Variants in ZC3HAV1L observed in about 807,000 individuals in gnomAD.
ZC3HAV1L encodes the protein ZC3HAV1 like, also known as zinc finger CCCH-type antiviral protein 1-like.
ZC3HAV1L carries 23 observed loss-of-function variants against 28.2 expected under a neutral mutation model. The observed-to-expected ratio is 0.82, with a 90% CI of 0.59 to 1.16. The LOEUF (loss-of-function observed/expected upper bound fraction) is 1.16, where lower values mean the gene tolerates loss of function less well. Ranked by LOEUF, ZC3HAV1L falls within the 50% of genes most tolerant of loss-of-function variation. The pLI is 0.00. For missense variants in ZC3HAV1L, 376 were observed against 387.7 expected (o/e 0.97, Z 0.25); for synonymous variants, 180 against 163.4 (o/e 1.10, Z -0.78).
At chr7:139,033,918 A>G in intron 2 of ZC3HAV1L, 1 of 985,364 alleles carries the variant, frequency 1.0e-6, no homozygotes, top group Non-Finnish European at 1.2e-6. Flanking sequence ...GTTGGTTGGA[A>G]TGCCTCTGGC....
rs1331262544 is a variant in ZC3HAV1L, at chr7:139,026,752, G to C, written c.842C>G (p.Pro281Arg). The change falls in exon 4 of 5, where the codon CCT becomes CGT. Residue 281 changes from proline to arginine, a missense_variant. Transcript: ENST00000275766. ...CGACTGAGCAGGGACAGAAGCCAGAGGACCAGCTTCTGCAGCTCCAGCTGC... is the reference window on the plus strand; with the variant it reads ...CGACTGAGCAGGGACAGAAGCCAGACGACCAGCTTCTGCAGCTCCAGCTGC... ...VHAAGAAEAG[P>R]LASVPAQSAK... The C allele has an allele frequency of 6.2e-7, 1 of 1,614,074 alleles. No homozygotes were observed. Among genetic ancestry groups the C allele is most frequent in the East Asian group, 2.2e-5 (1 of 44,884 alleles).
At chr7:139,035,617 A>G in intron 1 of ZC3HAV1L, 36 bp downstream of exon 1, 1 of 1,353,230 alleles carries the variant, frequency 7.4e-7, no homozygotes, top group South Asian at 1.8e-5. Flanking sequence ...GCCCGCGGCC[A>G]GCGCCCACAG....
At chr7:139,029,084 C>T (rs1482028682) in intron 2 of ZC3HAV1L, 124 bp from the exon 3 acceptor site, 7 of 1,121,398 alleles carry the variant, frequency 6.2e-6, no homozygotes, top group Non-Finnish European at 8.6e-6. Context: ...CTCACTGCAA[C>T]CTCCATCTCC....
In ZC3HAV1L at chr7:139,035,655, G is replaced by A; in HGVS notation, c.363C>T (p.Cys121=). The part of the protein sequence containing the change: ...HMLGKCPNRD[C]WSTCTLSHDI... Reference sequence around the variant, plus strand: ...CCCGCCCGCCGCCGCCTTCTCACCAGCAGTCCCGGTTGGGGCACTTGCCCA... The same window carrying A: ...CCCGCCCGCCGCCGCCTTCTCACCAACAGTCCCGGTTGGGGCACTTGCCCA... Residue 121 remains cysteine (C), a splice_region_variant and synonymous_variant, in exon 1 of 5, where the codon TGC becomes TGT. Transcript: ENST00000275766. 1 of 1,431,980 alleles carries A rather than the reference G, an allele frequency of 7.0e-7. No homozygotes were observed. The highest frequency in any genetic ancestry group is 9.1e-7 in the Non-Finnish European group (1 of 1,100,962). The allele number at this position is 1,431,980 out of a possible 1,614,324, so 88.7% of individuals were successfully genotyped here.
At position 139,034,876 on chromosome 7, in the gene ZC3HAV1L, T is replaced by G. The variant is rs555042378; in HGVS notation, c.366-198A>C. The G allele has an allele frequency of 1.7e-5, 17 of 985,420 alleles. 1 individual carries two copies. The African/African-American group carries it at 1.9e-4, about 11-fold the overall frequency. The allele number at this position is 985,420 out of a possible 1,614,324, so 61.0% of individuals were successfully genotyped here. A position where few individuals can be genotyped will look rare whatever the true frequency, so the allele number is the denominator to read the frequency against. On this transcript the variant is annotated intron_variant, in intron 1 of 4. Coordinates refer to ENST00000275766, the MANE Select transcript of ZC3HAV1L (RefSeq NM_080660.4). The stretch of plus-strand genomic sequence containing the variant: ...GAAGGAACTCCTCTCCCAGGGTCAT[T>G]TGAATTTTCAGTAGGGATGCTTTGA...
downstream of ZC3HAV1L, among the ~76,000 whole-genome samples, chr7:139,023,115 C>T (rs1815277694): frequency 7.3e-6 from 1 of 137,416 alleles, no homozygotes; most frequent in African/African-American, 2.7e-5. Context: ...ACGGAGGTTG[C>T]AGTGAGCTGA....
At chr7:139,031,379 G>GT (rs1447068217) in intron 2 of ZC3HAV1L, among the ~76,000 whole-genome samples, 1 of 152,204 alleles carries the variant, frequency 6.6e-6, no homozygotes, top group African/African-American at 2.4e-5. Flanking sequence ...GAGCTCAGGA[G>GT]TTTGAGATCA....
downstream of ZC3HAV1L, among the ~76,000 whole-genome samples, chr7:139,023,617 C>G (rs957088759): frequency 6.6e-5 from 10 of 152,162 alleles, no homozygotes; most frequent in African/African-American, 2.4e-4. Context: ...GCTTTGTTTT[C>G]AAAATGTCAG....
chr7:139,034,207 C>T, intron 2 of ZC3HAV1L: 1 of 981,012 alleles, frequency 1.0e-6, no homozygotes, highest in Non-Finnish European at 1.2e-6. Flanking sequence ...ATCTCCCCTT[C>T]TTCCCATCCC....
At chr7:139,030,198 C>A (rs1053606558) in intron 2 of ZC3HAV1L, among the ~76,000 whole-genome samples, 6 of 152,146 alleles carry the variant, frequency 3.9e-5, no homozygotes, top group African/African-American at 1.4e-4. Flanking sequence ...GTAATCCCAG[C>A]ACTTTGGGAG....
At chr7:139,024,052 T>C (rs371830969), downstream of ZC3HAV1L, among the ~76,000 whole-genome samples, 16 of 152,276 alleles carry the variant, frequency 1.1e-4, no homozygotes, top group African/African-American at 3.6e-4. Context: ...GGAACAAGAC[T>C]AAAGGAAAAT....
At chr7:139,035,442 G>A in intron 1 of ZC3HAV1L, 1 of 985,366 alleles carries the variant, frequency 1.0e-6, no homozygotes, top group Non-Finnish European at 1.2e-6. Flanking sequence ...CGGTTGAGAC[G>A]TCTCCATGGA....
chr7:139,034,707 C>T, intron 1 of ZC3HAV1L, 29 bp from the exon 2 acceptor site: 1 of 1,612,352 alleles, frequency 6.2e-7, no homozygotes, highest in Non-Finnish European at 8.5e-7. Flanking sequence ...CGGTCAGATG[C>T]CCAGGTGAAG....
At chr7:139,025,503 A>G (rs1298918434), downstream of ZC3HAV1L, among the ~76,000 whole-genome samples, 1 of 151,548 alleles carries the variant, frequency 6.6e-6, no homozygotes, top group Non-Finnish European at 1.5e-5. Context: ...GAGAGAACCC[A>G]AAGGTTATAT....
intron 3 of ZC3HAV1L, among the ~76,000 whole-genome samples, chr7:139,027,722 A>G (rs1341626422): frequency 6.6e-5 from 10 of 152,136 alleles, no homozygotes; most frequent in Admixed American, 6.5e-4. Context: ...GAATATATTT[A>G]TAATGGGAAT....
At chr7:139,035,018 T>A in intron 1 of ZC3HAV1L, 1 of 985,414 alleles carries the variant, frequency 1.0e-6, no homozygotes, top group Non-Finnish European at 1.2e-6. Flanking sequence ...AAAGCGCCCC[T>A]ATCCCCAGCA....
intron 4 of ZC3HAV1L, 32 bp downstream of exon 4, chr7:139,026,675 CT>C: frequency 6.2e-7 from 1 of 1,612,804 alleles, no homozygotes; most frequent in Non-Finnish European, 8.5e-7. Context: ...GGACAAGCTT[CT>C]TCTTAGTTCA....
rs1352268580 is a variant in ZC3HAV1L, at chr7:139,035,449, T to C, written c.365+204A>G. Reference sequence around the variant, plus strand: ...GGCGTGGGCGGTTGAGACGTCTCCATGGAGAGGACCTTCGCGCCTTTCCGC... The same window carrying C: ...GGCGTGGGCGGTTGAGACGTCTCCACGGAGAGGACCTTCGCGCCTTTCCGC... On this transcript the variant is annotated intron_variant, in intron 1 of 4. Transcript: ENST00000275766. The C allele has an allele frequency of 1.8e-5, 18 of 985,206 alleles. No individual in the cohort carries two copies. The East Asian group carries it at 1.8e-3, about 100-fold the overall frequency. The allele number at this position is 985,206 out of a possible 1,614,324, so 61.0% of individuals were successfully genotyped here. A position where few individuals can be genotyped will look rare whatever the true frequency, so the allele number is the denominator to read the frequency against.
chr7:139,022,364 T>A, downstream of ZC3HAV1L: 1 of 417,708 alleles, frequency 2.4e-6, no homozygotes, highest in Non-Finnish European at 4.8e-6. Flanking sequence ...GGCAACATAG[T>A]GAGACCTTGT....
Sources: allele counts gnomAD v4.1 joint callset (sites outside exome capture counted in the v4.1 genomes callset), GRCh38; gene constraint gnomAD v4.1.1; transcripts MANE v1.5; gene names NCBI Gene and HGNC (gene_info 2026-07-23, HGNC 2026-07-21).